Variants in B4GALT6 observed in about 807,000 individuals in gnomAD.
B4GALT6 encodes the protein UDP-Gal:beta-GlcNAc beta-1,4-galactosyltransferase 6.
Under a neutral mutation model 46.3 loss-of-function variants are expected in B4GALT6, and 14 were observed. That is an observed-to-expected ratio of 0.30 (90% confidence interval 0.20 to 0.47). B4GALT6 has a LOEUF of 0.47. B4GALT6 is among the 20% of genes least tolerant of loss of function. The pLI is 0.99. For synonymous variants in B4GALT6, 168 were observed against 162.0 expected, an observed-to-expected ratio of 1.04 and a Z score of -0.28; for missense variants, 386 against 480.1, an observed-to-expected ratio of 0.80 and a Z score of 1.83.
chr18:31,698,063 T>G, the B4GALT6 span, among the ~76,000 whole-genome samples: 8 of 152,232 alleles, frequency 5.3e-5, no homozygotes, highest in Non-Finnish European at 1.2e-4. Context: ...CTCTATAGGC[T>G]CCTTCAGGGA....
chr18:31,659,335 T>C (rs1477641993), intron 2 of B4GALT6, among the ~76,000 whole-genome samples: 2 of 152,182 alleles, frequency 1.3e-5, no homozygotes, highest in African/African-American at 4.8e-5. Context: ...TTGCACACCT[T>C]TACCTAACAT....
At chr18:31,693,041 A>G in the B4GALT6 span, among the ~76,000 whole-genome samples, 1 of 152,172 alleles carries the variant, frequency 6.6e-6, no homozygotes, top group Non-Finnish European at 1.5e-5. Context: ...CAATCTCCTA[A>G]TTTTCTTTAT....
Position 31,623,765 on chromosome 18 carries a change from G to A in B4GALT6, c.*1849C>T, listed in dbSNP as rs2073648856. 6.6e-6 allele frequency: 1 copy of A among 151,904 alleles called. No homozygotes were observed. Among genetic ancestry groups the A allele is most frequent in the South Asian group, 2.1e-4 (1 of 4,830 alleles). 9.4% of individuals were successfully genotyped at this position (151,904 alleles called of 1,614,324 possible). On this transcript the variant is annotated 3_prime_UTR_variant, in exon 9 of 9. Transcript: ENST00000306851. Reference sequence around the variant, plus strand: ...CACAGAAGCTATCCATTTTCTCAAAGTGTAAGGATTCAATTATTTTATGAT... The same window carrying A: ...CACAGAAGCTATCCATTTTCTCAAAATGTAAGGATTCAATTATTTTATGAT...
At chr18:31,655,900 AT>A (rs34265884) in intron 3 of B4GALT6, among the ~76,000 whole-genome samples, 43 of 151,052 alleles carry the variant, frequency 2.8e-4, no homozygotes, top group African/African-American at 9.0e-4. Flanking sequence ...TCACCTGAGA[AT>A]TTTTTTTTTC....
the B4GALT6 span, among the ~76,000 whole-genome samples, chr18:31,703,789 G>A: frequency 6.6e-6 from 1 of 152,174 alleles, no homozygotes; most frequent in African/African-American, 2.4e-5. Flanking sequence ...ATCTGTCTCA[G>A]GTGTTCCCAC....
the B4GALT6 span, chr18:31,724,224 C>G: frequency 3.1e-6 from 1 of 322,864 alleles, no homozygotes; most frequent in African/African-American, 2.2e-5. Flanking sequence ...CGGGGCTGCC[C>G]TAATGGCTCC....
At chr18:31,649,718 A>G (rs2074041122) in intron 3 of B4GALT6, among the ~76,000 whole-genome samples, 1 of 152,208 alleles carries the variant, frequency 6.6e-6, no homozygotes, top group South Asian at 2.1e-4. Flanking sequence ...AGCATCAAAT[A>G]CCAATAGGAA....
chr18:31,724,582 C>T, the B4GALT6 span: 2 of 1,059,198 alleles, frequency 1.9e-6, no homozygotes, highest in South Asian at 3.4e-5. Flanking sequence ...TTCTTGGACA[C>T]GGATTCAGCT....
chr18:31,687,710 CT>C (rs1428829014), upstream of B4GALT6, among the ~76,000 whole-genome samples: 1 of 152,076 alleles, frequency 6.6e-6, no homozygotes, highest in Non-Finnish European at 1.5e-5. Context: ...CCAAGTATTC[CT>C]TTTATTATTT....
chr18:31,691,826 C>G, the B4GALT6 span, among the ~76,000 whole-genome samples: 2 of 152,110 alleles, frequency 1.3e-5, no homozygotes, highest in Admixed American at 6.5e-5. Flanking sequence ...GCAACGTCCT[C>G]TCTTAAGCTA....
At chr18:31,693,489 T>G in the B4GALT6 span, among the ~76,000 whole-genome samples, 1 of 152,148 alleles carries the variant, frequency 6.6e-6, no homozygotes, top group African/African-American at 2.4e-5. Context: ...TATTACAAAA[T>G]TAATAAAATA....
intron 1 of B4GALT6, among the ~76,000 whole-genome samples, chr18:31,672,400 G>A (rs532367018): frequency 4.3e-4 from 65 of 152,302 alleles, no homozygotes; most frequent in African/African-American, 1.4e-3. Context: ...GAACTATCGT[G>A]ATAAATTCCC....
intron 3 of B4GALT6, 108 bp from the exon 4 acceptor site, chr18:31,645,587 T>G: frequency 9.1e-7 from 1 of 1,102,266 alleles, no homozygotes; most frequent in Non-Finnish European, 1.3e-6. Context: ...GCCAGGACAA[T>G]ACAGTTTACT....
intron 3 of B4GALT6, among the ~76,000 whole-genome samples, chr18:31,650,581 C>T (rs1006760569): frequency 6.6e-6 from 1 of 152,234 alleles, no homozygotes; most frequent in Non-Finnish European, 1.5e-5. Flanking sequence ...CGGTCTGAGC[C>T]TTGTTCTGGC....
chr18:31,719,443 G>A, the B4GALT6 span, among the ~76,000 whole-genome samples: 2 of 152,198 alleles, frequency 1.3e-5, no homozygotes, highest in African/African-American at 2.4e-5. Context: ...CTTGGGGCTA[G>A]TTGTTTTCTT....
Position 31,645,355 on chromosome 18 carries a change from C to G in B4GALT6, c.471G>C (p.Lys157Asn). ...WRPKDCKPRWKVAVLIPFRNR... is the reference protein window; with the variant it reads ...WRPKDCKPRWNVAVLIPFRNR... ...TGCTTATGAAAAGAATTTACCTCAC[C>G]TTCCATCTGGGTTTACAGTCTTTTG... The change falls in exon 4 of 9, where the codon AAG becomes AAC. Residue 157 changes from lysine to asparagine, a missense_variant and splice_region_variant. Physicochemically the swap from Lys to Asn is moderately conservative, Grantham distance 94 (BLOSUM62 0). Coordinates refer to ENST00000306851, the MANE Select transcript of B4GALT6 (RefSeq NM_004775.5). 6.2e-7 allele frequency: 1 copy of G among 1,613,092 alleles called. No individual in the cohort carries two copies. The highest frequency in any genetic ancestry group is 8.5e-7 in the Non-Finnish European group (1 of 1,179,732).
In B4GALT6 at chr18:31,625,387, T is replaced by C. The variant is rs1388809140; in HGVS notation, c.*227A>G. On this transcript the variant is annotated 3_prime_UTR_variant, in exon 9 of 9. Coordinates refer to ENST00000306851, the MANE Select transcript of B4GALT6 (RefSeq NM_004775.5). ...TCTCTTAACTTCCGATCTTAAGTAG[T>C]GGCTTCCCGTTTCTGCGGTGCTCGC... 2 of 431,086 alleles carry C rather than the reference T, an allele frequency of 4.6e-6. No individual in the cohort carries two copies. The highest frequency in any genetic ancestry group is 8.1e-6 in the Non-Finnish European group (2 of 247,616). The allele number at this position is 431,086 out of a possible 1,614,324, so 26.7% of individuals were successfully genotyped here.
intron 3 of B4GALT6, among the ~76,000 whole-genome samples, chr18:31,657,086 T>C (rs967463643): frequency 2.6e-5 from 4 of 152,140 alleles, no homozygotes; most frequent in African/African-American, 7.2e-5. Context: ...TTGAGAGCAA[T>C]TGACAAAATC....
intron 1 of B4GALT6, among the ~76,000 whole-genome samples, chr18:31,672,781 TGTTA>T (rs1443160951): frequency 1.3e-5 from 2 of 152,114 alleles, no homozygotes; most frequent in African/African-American, 4.8e-5. Context: ...GTCACAGAGT[TGTTA>T]GTAAGTGGTG....
Sources: gnomAD v4.1 joint callset for allele counts (sites outside exome capture counted in the v4.1 genomes callset) on GRCh38, gnomAD v4.1.1 for gene constraint, MANE v1.5 for transcripts, NCBI Gene and HGNC (gene_info 2026-07-23, HGNC 2026-07-21) for gene names.